RSPO2: variants seen among roughly 807,000 people sequenced by gnomAD.
RSPO2 encodes the protein R-spondin 2, also known as R-spondin-2.
In RSPO2, 14 loss-of-function variants were observed where a neutral mutation model predicts 30.9. That is an observed-to-expected ratio of 0.45 (90% CI 0.30 to 0.71). RSPO2 has a LOEUF of 0.71. RSPO2 is among the 30% of genes least tolerant of loss of function. RSPO2 has a pLI of 0.08. For synonymous variants in RSPO2, 107 were observed against 96.4 expected (o/e 1.11, Z -0.64); for missense variants, 264 against 301.9 (o/e 0.87, Z 0.93).
At chr8:107,905,533 C>T (rs1157811230) in intron 5 of RSPO2, among the ~76,000 whole-genome samples, 1 of 152,008 alleles carries the variant, frequency 6.6e-6, no homozygotes, top group Non-Finnish European at 1.5e-5. Flanking sequence ...GTTTGTAATG[C>T]TCTAACTTGA....
chr8:108,023,425 G>A (rs913850017), intron 2 of RSPO2, among the ~76,000 whole-genome samples: 10 of 152,156 alleles, frequency 6.6e-5, no homozygotes, highest in Non-Finnish European at 1.0e-4. Context: ...AAGGAAACCC[G>A]AGTTCAAGTG....
chr8:108,021,491 C>A (rs947017816), intron 2 of RSPO2, among the ~76,000 whole-genome samples: 4 of 152,122 alleles, frequency 2.6e-5, no homozygotes, highest in Non-Finnish European at 4.4e-5. Flanking sequence ...AAACTGAATG[C>A]CAAACCTCTC....
chr8:107,997,283 A>C (rs1302115205), intron 2 of RSPO2: 1 of 155,398 alleles, frequency 6.4e-6, no homozygotes, highest in African/African-American at 2.4e-5. Flanking sequence ...AGAGTAATTT[A>C]TTTTGTCAGG....
chr8:107,936,619 A>G (rs1489912020), intron 5 of RSPO2, among the ~76,000 whole-genome samples: 1 of 152,166 alleles, frequency 6.6e-6, no homozygotes, highest in Non-Finnish European at 1.5e-5. Flanking sequence ...CCTCACCAGC[A>G]TCTGTTATTG....
chr8:107,905,931 A>C (rs1811626103), intron 5 of RSPO2, among the ~76,000 whole-genome samples: 2 of 152,060 alleles, frequency 1.3e-5, no homozygotes, highest in African/African-American at 4.8e-5. Flanking sequence ...CAATTCATAA[A>C]GGAAATAAAA....
At chr8:107,910,070 G>A (rs531200230) in intron 5 of RSPO2, among the ~76,000 whole-genome samples, 1 of 152,262 alleles carries the variant, frequency 6.6e-6, no homozygotes, top group African/African-American at 2.4e-5. Flanking sequence ...AAATGATTCA[G>A]CTGTTTTCAT....
At chr8:107,933,078 C>G (rs1052370670) in intron 5 of RSPO2, among the ~76,000 whole-genome samples, 4 of 152,162 alleles carry the variant, frequency 2.6e-5, no homozygotes, top group African/African-American at 9.6e-5. Flanking sequence ...ACCAGCCTAT[C>G]TTCCTTAGCC....
chr8:107,960,677 C>T lies in RSPO2; in HGVS notation c.424G>A (p.Val142Met), dbSNP rs377563913. 3.7e-6 allele frequency: 6 copies of T among 1,609,456 alleles called. No homozygotes were observed. Among genetic ancestry groups the T allele is most frequent in the Non-Finnish European group, 5.1e-6 (6 of 1,178,882 alleles). The change falls in exon 4 of 6, where the codon GTG becomes ATG. Residue 142 changes from valine (V) to methionine (M), a missense_variant. Transcript: ENST00000276659. Reference protein sequence around the residue: ...FAPLEETMECVEGCEVGHWSE... With the variant: ...FAPLEETMECMEGCEVGHWSE... ...AGTTACATTAAAAACTACTCACCCACACATTCCATGGTTTCTTCTAATGGT... is the reference window on the plus strand; with the variant it reads ...AGTTACATTAAAAACTACTCACCCATACATTCCATGGTTTCTTCTAATGGT...
chr8:108,062,131 G>A (rs1313604638), intron 2 of RSPO2, among the ~76,000 whole-genome samples: 1 of 151,756 alleles, frequency 6.6e-6, no homozygotes, highest in Admixed American at 6.6e-5. Context: ...AAGAACTAGA[G>A]AAGCAGAAGC....
intron 5 of RSPO2, among the ~76,000 whole-genome samples, chr8:107,931,730 A>G (rs2130346896): frequency 6.6e-6 from 1 of 152,244 alleles, no homozygotes; most frequent in Middle Eastern, 3.4e-3. Context: ...TTCATTGTCA[A>G]GCAGAGAAAC....
chr8:108,011,249 GGAAA>G (rs1396359628), intron 2 of RSPO2, among the ~76,000 whole-genome samples: 5 of 151,478 alleles, frequency 3.3e-5, no homozygotes, highest in Non-Finnish European at 7.4e-5. Context: ...GGAAAGGAAA[GGAAA>G]GAAAGTAAAG....
At chr8:108,004,696 T>C (rs1815391661) in intron 2 of RSPO2, among the ~76,000 whole-genome samples, 2 of 152,224 alleles carry the variant, frequency 1.3e-5, no homozygotes, top group African/African-American at 4.8e-5. Context: ...GCCAGATATG[T>C]ATATAGACAT....
intron 2 of RSPO2, among the ~76,000 whole-genome samples, chr8:108,017,775 T>C (rs2060819): frequency 0.66 from 99,739 of 152,084 alleles, 35,305 homozygotes; most frequent in African/African-American, 0.91. Flanking sequence ...GAACGATTTG[T>C]CAATCTAGGG....
At chr8:107,965,996 G>A (rs1009296485) in intron 3 of RSPO2, among the ~76,000 whole-genome samples, 3 of 152,118 alleles carry the variant, frequency 2.0e-5, no homozygotes, top group African/African-American at 7.2e-5. Context: ...GGCAAGGGTG[G>A]CTGCCCTCAT....
intron 5 of RSPO2, among the ~76,000 whole-genome samples, chr8:107,945,241 C>CTTTTTTTTTTTTTTTTTTTTTT (rs754722790): frequency 1.3e-5 from 1 of 74,820 alleles, no homozygotes. Flanking sequence ...ATTCTTTTAC[C>CTTTTTTTTTTTTTTTTTTTTTT]TTTTTTTTTT....
chr8:107,940,906 T>C (rs1312371036), intron 5 of RSPO2, among the ~76,000 whole-genome samples: 3 of 152,194 alleles, frequency 2.0e-5, no homozygotes, highest in Non-Finnish European at 4.4e-5. Context: ...GCTTATTATA[T>C]TTCCCCTTTA....
chr8:108,006,063 G>A (rs1815442962), intron 2 of RSPO2, among the ~76,000 whole-genome samples: 1 of 152,132 alleles, frequency 6.6e-6, no homozygotes, highest in Non-Finnish European at 1.5e-5. Flanking sequence ...TGTGATCCTA[G>A]AAGTATAATC....
At chr8:107,970,139 G>A (rs979941898) in intron 3 of RSPO2, among the ~76,000 whole-genome samples, 8 of 152,064 alleles carry the variant, frequency 5.3e-5, no homozygotes, top group African/African-American at 1.9e-4. Flanking sequence ...AGACCATACG[G>A]TATCTGTCTA....
chr8:108,060,354 T>G (rs1200762841), intron 2 of RSPO2, among the ~76,000 whole-genome samples: 1 of 151,724 alleles, frequency 6.6e-6, no homozygotes, highest in Non-Finnish European at 1.5e-5. Flanking sequence ...CTGATGGAGC[T>G]GAAAAACATG....
Sources: allele counts gnomAD v4.1 joint callset (sites outside exome capture counted in the v4.1 genomes callset), GRCh38; gene constraint gnomAD v4.1.1; transcripts MANE v1.5; gene names NCBI Gene and HGNC (gene_info 2026-07-23, HGNC 2026-07-21).